NUP98: variants seen among roughly 807,000 people sequenced by gnomAD.
NUP98 encodes nuclear pore complex protein Nup98-Nup96.
NUP98 carries 26 observed loss-of-function variants against 191.9 expected under a neutral mutation model. The ratio of observed to expected loss-of-function variants is 0.14; its 90% CI spans 0.10 to 0.19. The LOEUF is 0.19. Ranked by LOEUF, NUP98 falls within the 10% of genes least tolerant of loss-of-function variation. The pLI, the probability that NUP98 is intolerant of heterozygous loss-of-function variation, is 1.00. For missense variants in NUP98, 1,941 were observed against 2,178.8 expected (o/e 0.89, Z 2.17); for synonymous variants, 808 against 778.4 (o/e 1.04, Z -0.63).
At chr11:3,702,311 ACACT>A (rs2078716737) in intron 23 of NUP98, 148 bp downstream of exon 23, 47 of 424,080 alleles carry the variant, frequency 1.1e-4, no homozygotes, top group Non-Finnish European at 1.4e-4. Context: ...ACACACACAC[ACACT>A]CTCTCTCTCT....
intron 11 of NUP98, among the ~76,000 whole-genome samples, chr11:3,752,708 A>C (rs748213842): frequency 3.9e-5 from 6 of 152,162 alleles, no homozygotes; most frequent in Non-Finnish European, 8.8e-5. Flanking sequence ...ATGTTTAACT[A>C]AACAACCTAG....
chr11:3,731,362 T>C (rs781214028), intron 14 of NUP98, 29 bp downstream of exon 14: 2 of 1,458,932 alleles, frequency 1.4e-6, no homozygotes, highest in East Asian at 4.8e-5. Flanking sequence ...TATTTTACAC[T>C]TAATTTCTGT....
intron 31 of NUP98, 153 bp from the exon 32 acceptor site, chr11:3,676,773 G>A (rs969321808): frequency 2.2e-5 from 17 of 760,654 alleles, no homozygotes; most frequent in Non-Finnish European, 4.1e-5. Context: ...ACCATCTAGT[G>A]GAGGACAAGG....
At chr11:3,790,339 G>A (rs1301201387) in intron 1 of NUP98, among the ~76,000 whole-genome samples, 1 of 152,162 alleles carries the variant, frequency 6.6e-6, no homozygotes, top group Non-Finnish European at 1.5e-5. Flanking sequence ...AGTGAAGAGG[G>A]AGTAGGTACA....
In NUP98 at chr11:3,723,597, C is replaced by T. The variant is rs2079492544; in HGVS notation, c.1848-142G>A. ...TTAAAAATTCACTTAATACTTACTA[C>T]AGCAGTACTGTGAAACAGATAATTA... On this transcript the variant is annotated intron_variant, in intron 15 of 32. Coordinates refer to ENST00000324932, the MANE Select transcript of NUP98 (RefSeq NM_016320.5). The T allele has an allele frequency of 6.3e-6, 4 of 639,460 alleles. No homozygotes were observed. The South Asian group carries it at 7.9e-5, about 13-fold the overall frequency. 39.6% of individuals were successfully genotyped at this position (639,460 alleles called of 1,614,324 possible).
Position 3,773,753 on chromosome 11 carries a change from T to C in NUP98, c.496-14A>G. Reference sequence around the variant, plus strand: ...ACCAGTTGGAGGCTGCAAAGTTAAATAAAGGCAAATTTGTAGGTCCAAGTT... The same window carrying C: ...ACCAGTTGGAGGCTGCAAAGTTAAACAAAGGCAAATTTGTAGGTCCAAGTT... On this transcript the variant is annotated splice_polypyrimidine_tract_variant and intron_variant, in intron 5 of 32. Coordinates refer to ENST00000324932, the MANE Select transcript of NUP98 (RefSeq NM_016320.5). The C allele has an allele frequency of 5.2e-6, 8 of 1,545,330 alleles. No homozygotes were observed. Among genetic ancestry groups the C allele is most frequent in the Non-Finnish European group, 7.1e-6 (8 of 1,122,744 alleles).
chr11:3,750,264 C>T (rs2080695537), intron 11 of NUP98, among the ~76,000 whole-genome samples: 1 of 152,146 alleles, frequency 6.6e-6, no homozygotes, highest in Non-Finnish European at 1.5e-5. Context: ...GGACTACAGG[C>T]ACATGCCACC....
chr11:3,679,515 A>T (rs1302806234), intron 31 of NUP98, 39 bp downstream of exon 31: 2 of 1,612,876 alleles, frequency 1.2e-6, no homozygotes, highest in African/African-American at 2.7e-5. Flanking sequence ...AGGGCCTGAG[A>T]AAAGGAAAAT....
At chr11:3,724,538 T>C (rs1450216025) in intron 15 of NUP98, among the ~76,000 whole-genome samples, 2 of 151,732 alleles carry the variant, frequency 1.3e-5, no homozygotes, top group African/African-American at 4.8e-5. Context: ...ACGCATGTAA[T>C]ACCAACGTTT....
At chr11:3,775,793 T>C (rs2081699377) in intron 5 of NUP98, 89 bp downstream of exon 5, 1 of 1,315,006 alleles carries the variant, frequency 7.6e-7, no homozygotes, top group Non-Finnish European at 1.1e-6. Flanking sequence ...CAAGCTAAGC[T>C]GGAAAGAGAA....
At chr11:3,725,809 G>A (rs1388420446) in intron 14 of NUP98, among the ~76,000 whole-genome samples, 1 of 152,110 alleles carries the variant, frequency 6.6e-6, no homozygotes, top group Admixed American at 6.6e-5. Flanking sequence ...AAAAAGTTCA[G>A]GTTTTTCTCT....
chr11:3,740,606 C>A (rs1406400961), intron 12 of NUP98, among the ~76,000 whole-genome samples: 7 of 151,818 alleles, frequency 4.6e-5, no homozygotes, highest in African/African-American at 1.7e-4. Flanking sequence ...TCAAAGTATG[C>A]CTTTCTCTAA....
intron 11 of NUP98, 88 bp downstream of exon 11, chr11:3,753,228 G>T: frequency 8.9e-7 from 1 of 1,117,346 alleles, no homozygotes; most frequent in Non-Finnish European, 1.3e-6. Flanking sequence ...CTTAATTCCA[G>T]TAACATAATC....
At chr11:3,680,888 T>A (rs1349315401) in intron 30 of NUP98, among the ~76,000 whole-genome samples, 3 of 152,044 alleles carry the variant, frequency 2.0e-5, no homozygotes, top group Non-Finnish European at 4.4e-5. Flanking sequence ...TAAGACAGGA[T>A]CTCCCTCTGT....
intron 2 of NUP98, among the ~76,000 whole-genome samples, chr11:3,780,139 C>T (rs958462290): frequency 1.3e-5 from 2 of 152,018 alleles, no homozygotes; most frequent in Non-Finnish European, 2.9e-5. Context: ...TGAATAAAAA[C>T]TTCCAAAGGT....
At chr11:3,706,675 CAG>C in intron 20 of NUP98, 48 bp from the exon 21 acceptor site, 3 of 1,495,398 alleles carry the variant, frequency 2.0e-6, no homozygotes, top group Non-Finnish European at 2.8e-6. Flanking sequence ...TTATACCAAA[CAG>C]AAATAGATTC....
At chr11:3,746,261 CTT>C (rs2080492116) in intron 11 of NUP98, among the ~76,000 whole-genome samples, 1 of 69,548 alleles carries the variant, frequency 1.4e-5, no homozygotes, top group Admixed American at 1.9e-4. Context: ...AAGAGCAAAA[CTT>C]TATCTCAAAA....
chr11:3,745,662 T>C (rs962526938), intron 11 of NUP98, among the ~76,000 whole-genome samples: 2 of 152,134 alleles, frequency 1.3e-5, no homozygotes, highest in Non-Finnish European at 2.9e-5. Flanking sequence ...GATCTCATTA[T>C]GTTACCCAGG....
At chr11:3,690,329 T>A (rs1298099809) in intron 28 of NUP98, among the ~76,000 whole-genome samples, 2 of 151,306 alleles carry the variant, frequency 1.3e-5, no homozygotes, top group African/African-American at 2.4e-5. Context: ...GCATGATCTC[T>A]GCTCACTGCA....
Sources: allele counts gnomAD v4.1 joint callset (sites outside exome capture counted in the v4.1 genomes callset), GRCh38; gene constraint gnomAD v4.1.1; transcripts MANE v1.5; gene names NCBI Gene and HGNC (gene_info 2026-07-23, HGNC 2026-07-21).